STARD8: variants seen among roughly 807,000 people sequenced by gnomAD.
STARD8 encodes StAR related lipid transfer domain containing 8.
In STARD8, 25 loss-of-function variants were observed where a neutral mutation model predicts 69.4. That is an observed-to-expected ratio of 0.36 (90% CI 0.26 to 0.50). The LOEUF (loss-of-function observed/expected upper bound fraction) is 0.50, where lower values mean the gene tolerates loss of function less well. Ranked by LOEUF, STARD8 falls within the 20% of genes least tolerant of loss-of-function variation. The pLI, the probability that STARD8 is intolerant of heterozygous loss-of-function variation, is 0.96. For missense variants in STARD8, 921 were observed against 932.5 expected (o/e 0.99, Z 0.16); for synonymous variants, 389 against 374.6 (o/e 1.04, Z -0.45).
At chrX:68,698,839 G>C (rs1487314440) in intron 2 of STARD8, among the ~76,000 whole-genome samples, 1 of 111,437 alleles carries the variant, frequency 9.0e-6, no homozygotes, top group East Asian at 2.8e-4. Flanking sequence ...GGCAGACTCA[G>C]TGGTCTGTGA....
At chrX:68,694,266 C>G (rs2079901985) in intron 2 of STARD8, among the ~76,000 whole-genome samples, 1 of 112,727 alleles carries the variant, frequency 8.9e-6, no homozygotes, top group African/African-American at 3.2e-5. Context: ...AGGAAGCCCC[C>G]GTCCGGCTGT....
Position 68,724,476 on chromosome X carries a change from G to A in STARD8, c.*54G>A. The A allele has an allele frequency of 9.4e-7, 1 of 1,061,320 alleles. No homozygotes were observed. Among genetic ancestry groups the A allele is most frequent in the Non-Finnish European group, 1.3e-6 (1 of 772,615 alleles). The allele number at this position is 1,061,320 out of a possible 1,213,427, so 87.5% of individuals were successfully genotyped here. A position where few individuals can be genotyped will look rare whatever the true frequency, so the allele number is the denominator to read the frequency against. On this transcript the variant is annotated 3_prime_UTR_variant, in exon 15 of 15. Coordinates refer to ENST00000374599, the MANE Select transcript of STARD8 (RefSeq NM_001142503.3). ...CCCAGGCCCCCTGGGCACCAAGGGA[G>A]CGAGGGGGAATAAGAGCAGGGCAGC... is the stretch of plus-strand genomic sequence containing the variant.
intron 2 of STARD8, among the ~76,000 whole-genome samples, chrX:68,672,971 C>T (rs2079739370): frequency 9.0e-6 from 1 of 111,708 alleles, no homozygotes; most frequent in Non-Finnish European, 1.9e-5. Flanking sequence ...AGGGAACAGC[C>T]TCCCTTATTA....
chrX:68,658,046 C>A (rs2079621526), intron 1 of STARD8, among the ~76,000 whole-genome samples: 1 of 110,710 alleles, frequency 9.0e-6, no homozygotes, highest in Non-Finnish European at 1.9e-5. Context: ...GAAGAGGCTG[C>A]AGATTGGCAA....
At chrX:68,684,391 ACAGGGCGGGAGATGC>A (rs1286453615) in intron 2 of STARD8, among the ~76,000 whole-genome samples, 2 of 112,754 alleles carry the variant, frequency 1.8e-5, no homozygotes, top group Admixed American at 1.9e-4. Context: ...GTGGGACTGG[ACAGGGCGGGAGATGC>A]CTTAGCAGGG....
chrX:68,709,372 C>T lies in STARD8; in HGVS notation c.80-3542C>T, dbSNP rs868612943. Among the ~76,000 whole-genome samples, 12 of 112,785 alleles carry T rather than the reference C, an allele frequency of 1.1e-4. No individual in the cohort carries two copies. The Middle Eastern group carries it at 0.014, about 129-fold the overall frequency. On this transcript the variant is annotated intron_variant, in intron 2 of 14. Coordinates refer to ENST00000374599, the MANE Select transcript of STARD8 (RefSeq NM_001142503.3). ...CCCACAGGGGAACGCAGCAGCTGGG[C>T]TTCTTTCTCTAATTTCCTCTTTTTC...
chrX:68,664,794 G>A (rs2079672799), intron 1 of STARD8, among the ~76,000 whole-genome samples: 1 of 112,612 alleles, frequency 8.9e-6, no homozygotes, highest in Non-Finnish European at 1.9e-5. Context: ...CATCTGTCTA[G>A]ATCACTGCTA....
At chrX:68,666,781 TC>T (rs1449348589) in intron 2 of STARD8, among the ~76,000 whole-genome samples, 2 of 112,390 alleles carry the variant, frequency 1.8e-5, no homozygotes, top group African/African-American at 6.5e-5. Context: ...TCATCATCAT[TC>T]CAAGGCGTCT....
intron 2 of STARD8, among the ~76,000 whole-genome samples, chrX:68,707,848 A>G (rs2080020609): frequency 9.0e-6 from 1 of 111,718 alleles, no homozygotes; most frequent in African/African-American, 3.3e-5. Flanking sequence ...ACCAGAAGGT[A>G]CAAGGACTAG....
chrX:68,693,848 G>A (rs1031034237), intron 2 of STARD8: 111 of 752,347 alleles, frequency 1.5e-4, no homozygotes, highest in Non-Finnish European at 1.6e-4. Flanking sequence ...GGCGACGGCA[G>A]GGGGAGATCC....
chrX:68,689,507 G>A (rs1200742736), intron 2 of STARD8, among the ~76,000 whole-genome samples: 2 of 112,453 alleles, frequency 1.8e-5, no homozygotes, highest in African/African-American at 3.2e-5. Context: ...ACAGGTCCCC[G>A]CGTATCTGGG....
intron 1 of STARD8, among the ~76,000 whole-genome samples, chrX:68,651,859 CT>C (rs777830461): frequency 7.0e-3 from 672 of 95,939 alleles, no homozygotes; most frequent in African/African-American, 0.012. Flanking sequence ...TGGGTTAAGT[CT>C]TTTTTTTTTT....
intron 8 of STARD8, 55 bp from the exon 9 acceptor site, chrX:68,720,869 C>A: frequency 9.0e-7 from 1 of 1,115,982 alleles, no homozygotes; most frequent in Non-Finnish European, 1.2e-6. Context: ...GCCTCACAGT[C>A]TGCCTCCTAC....
intron 3 of STARD8, among the ~76,000 whole-genome samples, chrX:68,714,738 T>G (rs2080078045): frequency 8.9e-6 from 1 of 112,344 alleles, no homozygotes; most frequent in African/African-American, 3.2e-5. Flanking sequence ...AAGGAACAAA[T>G]GGGCTTGCTT....
chrX:68,719,611 G>T (rs950677327), intron 7 of STARD8, among the ~76,000 whole-genome samples: 1 of 112,641 alleles, frequency 8.9e-6, no homozygotes, highest in Non-Finnish European at 1.9e-5. Context: ...CCCAATCTCT[G>T]TGCTGCAACT....
intron 1 of STARD8, among the ~76,000 whole-genome samples, chrX:68,653,522 C>CA (rs2079589381): frequency 1.3e-5 from 1 of 79,232 alleles, no homozygotes; most frequent in Non-Finnish European, 2.5e-5. Flanking sequence ...ACCACACACA[C>CA]CACACACACC....
At chrX:68,711,397 G>T (rs1359814016) in intron 2 of STARD8, among the ~76,000 whole-genome samples, 1 of 111,505 alleles carries the variant, frequency 9.0e-6, no homozygotes, top group Admixed American at 9.5e-5. Context: ...AGCAGATTTG[G>T]CTACAGCTAC....
intron 2 of STARD8, among the ~76,000 whole-genome samples, chrX:68,675,512 A>G (rs1190905020): frequency 9.8e-6 from 1 of 102,031 alleles, no homozygotes; most frequent in Non-Finnish European, 2.0e-5. Flanking sequence ...TACAGAAATT[A>G]TAGTTATTTC....
chrX:68,672,069 C>T (rs1265322378), intron 2 of STARD8, among the ~76,000 whole-genome samples: 1 of 111,739 alleles, frequency 8.9e-6, no homozygotes, highest in East Asian at 2.8e-4. Flanking sequence ...TTTACCTTTC[C>T]TGCTACATGC....
Sources: gnomAD v4.1 joint callset for allele counts (sites outside exome capture counted in the v4.1 genomes callset) on GRCh38, gnomAD v4.1.1 for gene constraint, MANE v1.5 for transcripts, NCBI Gene and HGNC (gene_info 2026-07-23, HGNC 2026-07-21) for gene names.